Variants in SYN3 observed in about 807,000 individuals in gnomAD.
SYN3 encodes synapsin-3.
A neutral mutation model predicts 65.8 loss-of-function variants in SYN3; 35 were observed. That is an observed-to-expected ratio of 0.53 (90% confidence interval 0.41 to 0.70). SYN3 has a LOEUF of 0.70. Among genes scored for constraint, SYN3 ranks in the 30% least tolerant of loss-of-function variants. The probability of loss-of-function intolerance (pLI) is 0.00; values close to 1 mark genes in which losing one functional copy is unlikely to be tolerated. For synonymous variants in SYN3, 270 were observed against 292.9 expected, an observed-to-expected ratio of 0.92 and a Z score of 0.80; for missense variants, 680 against 749.0, an observed-to-expected ratio of 0.91 and a Z score of 1.08.
chr22:32,744,571 T>C (rs978240626), intron 6 of SYN3, among the ~76,000 whole-genome samples: 1 of 152,152 alleles, frequency 6.6e-6, no homozygotes, highest in African/African-American at 2.4e-5. Flanking sequence ...ATTTCACAGG[T>C]TAATAAGTAA....
intron 2 of SYN3, among the ~76,000 whole-genome samples, chr22:32,991,961 C>T (rs542495315): frequency 6.6e-6 from 1 of 152,350 alleles, no homozygotes; most frequent in African/African-American, 2.4e-5. Flanking sequence ...GCCCAGAGCC[C>T]TGCCTCCCCC....
chr22:32,821,250 A>G (rs1336757238), intron 6 of SYN3, among the ~76,000 whole-genome samples: 3 of 152,170 alleles, frequency 2.0e-5, no homozygotes, highest in Non-Finnish European at 4.4e-5. Context: ...GCAAAATGGG[A>G]AAGACCCCAT....
At chr22:32,546,985 T>C (rs1206482538) in intron 7 of SYN3, among the ~76,000 whole-genome samples, 1 of 151,996 alleles carries the variant, frequency 6.6e-6, no homozygotes, top group Non-Finnish European at 1.5e-5. Context: ...GTTTTGTTTT[T>C]TTGTTGATGT....
At chr22:32,581,176 C>T (rs1339169381) in intron 7 of SYN3, among the ~76,000 whole-genome samples, 1 of 152,174 alleles carries the variant, frequency 6.6e-6, no homozygotes, top group Non-Finnish European at 1.5e-5. Context: ...GTGGTGCAAT[C>T]TCGGCTCACT....
intron 2 of SYN3, among the ~76,000 whole-genome samples, chr22:32,993,054 C>A (rs2052768699): frequency 6.6e-6 from 1 of 152,052 alleles, no homozygotes; most frequent in Non-Finnish European, 1.5e-5. Flanking sequence ...GCTTGTTCTT[C>A]CCCAGGAATT....
chr22:33,013,976 C>G (rs2053410188), intron 1 of SYN3, among the ~76,000 whole-genome samples: 4 of 151,486 alleles, frequency 2.6e-5, no homozygotes, highest in Admixed American at 2.0e-4. Flanking sequence ...GTGATCATAG[C>G]TCACTGCAGC....
At chr22:32,603,283 C>A (rs993901856) in intron 6 of SYN3, among the ~76,000 whole-genome samples, 1 of 150,274 alleles carries the variant, frequency 6.7e-6, no homozygotes, top group South Asian at 2.1e-4. Flanking sequence ...CAGGCCAAGG[C>A]GGGCGGATCA....
chr22:32,642,405 A>C (rs1326893427), intron 6 of SYN3, among the ~76,000 whole-genome samples: 1 of 137,200 alleles, frequency 7.3e-6, no homozygotes, highest in Non-Finnish European at 1.6e-5. Context: ...GTCCTACCCC[A>C]AACTTTTTTA....
In SYN3 at chr22:32,820,268, G is replaced by A. The variant is rs542115808; in HGVS notation, c.711+44647C>T. On this transcript the variant is annotated intron_variant, in intron 6 of 13. Transcript: ENST00000358763. The stretch of plus-strand genomic sequence containing the variant: ...TGTGTGTGTGTGTGTGTGTGCGTGC[G>A]CGTGTGTGTGTGTGTGTGTGGTGTG... 3.8e-4 allele frequency among the ~76,000 whole-genome samples: 56 copies of A among 146,952 alleles called. No individual in the cohort carries two copies. The East Asian group carries it at 6.5e-3, about 17-fold the overall frequency.
chr22:32,736,768 T>C (rs1231421362), intron 6 of SYN3, among the ~76,000 whole-genome samples: 1 of 152,182 alleles, frequency 6.6e-6, no homozygotes, highest in Non-Finnish European at 1.5e-5. Context: ...CAGCATTATA[T>C]TGTATTGCAG....
chr22:32,890,051 G>T (rs2049399874), intron 4 of SYN3, among the ~76,000 whole-genome samples: 1 of 129,198 alleles, frequency 7.7e-6, no homozygotes, highest in Admixed American at 8.1e-5. Flanking sequence ...TTGTTCTTGG[G>T]TAATTATTGA....
intron 6 of SYN3, among the ~76,000 whole-genome samples, chr22:32,625,556 G>A (rs1569102556): frequency 6.6e-6 from 1 of 152,186 alleles, no homozygotes; most frequent in Non-Finnish European, 1.5e-5. Context: ...GGAATAAATA[G>A]ACCACTTTAG....
intron 6 of SYN3, among the ~76,000 whole-genome samples, chr22:32,815,010 G>GT (rs1387280364): frequency 1.3e-5 from 2 of 152,184 alleles, no homozygotes; most frequent in Admixed American, 6.5e-5. Context: ...TTAAAATTAA[G>GT]TTTTTGACAT....
At chr22:32,533,960 G>T in intron 9 of SYN3, 65 bp from the exon 10 acceptor site, 3 of 1,110,114 alleles carry the variant, frequency 2.7e-6, no homozygotes, top group Non-Finnish European at 4.0e-6. Context: ...TAGAGGGAGA[G>T]AAGTGGATTC....
At chr22:32,852,187 A>C (rs1348143453) in intron 6 of SYN3, among the ~76,000 whole-genome samples, 4 of 152,182 alleles carry the variant, frequency 2.6e-5, no homozygotes, top group African/African-American at 9.7e-5. Context: ...AGGTCATATA[A>C]CTGTTAAGAT....
intron 11 of SYN3, 93 bp downstream of exon 11, chr22:32,528,779 TGG>T: frequency 6.5e-7 from 1 of 1,545,492 alleles, no homozygotes; most frequent in Non-Finnish European, 8.8e-7. Context: ...GGTTTCTTCC[TGG>T]GGGTATCCCC....
rs1257108549 is a variant in SYN3 at position 32,837,424 on chromosome 22, GC to G, written c.711+27490del. Reference sequence around the variant, plus strand: ...GCTTGAGCTTTTGAGAGGTCAGCATGCCCCCTTAAACTTGATGTCTCCTCAG... The same window carrying G: ...GCTTGAGCTTTTGAGAGGTCAGCATGCCCCTTAAACTTGATGTCTCCTCAG... On this transcript the variant is annotated intron_variant, in intron 6 of 13. Coordinates refer to ENST00000358763, the MANE Select transcript of SYN3 (RefSeq NM_003490.4). The surrounding 1 kb of genome is among the most constrained non-coding windows in gnomAD (Gnocchi z 4.1). Among the ~76,000 whole-genome samples the G allele has an allele frequency of 6.6e-6, 1 of 152,084 alleles. No individual in the cohort carries two copies. Among genetic ancestry groups the G allele is most frequent in the Non-Finnish European group, 1.5e-5 (1 of 68,016 alleles).
chr22:32,633,401 G>A (rs1368566085), intron 6 of SYN3, among the ~76,000 whole-genome samples: 2 of 152,100 alleles, frequency 1.3e-5, no homozygotes, highest in African/African-American at 2.4e-5. Flanking sequence ...GATAGGCCAT[G>A]TTCCACTGTC....
At chr22:32,709,272 C>G (rs2060923445) in intron 6 of SYN3, among the ~76,000 whole-genome samples, 1 of 152,192 alleles carries the variant, frequency 6.6e-6, no homozygotes, top group South Asian at 2.1e-4. Context: ...TGTGGGAATT[C>G]TGAGGAACAA....
Sources: allele counts gnomAD v4.1 joint callset (sites outside exome capture counted in the v4.1 genomes callset), GRCh38; gene constraint gnomAD v4.1.1; non-coding constraint Gnocchi (gnomAD v3.1); transcripts MANE v1.5; gene names NCBI Gene and HGNC (gene_info 2026-07-23, HGNC 2026-07-21).